Variants in SGCZ observed in about 807,000 individuals in gnomAD.
SGCZ encodes zeta-sarcoglycan.
In SGCZ, 40 loss-of-function variants were observed where a neutral mutation model predicts 41.3. That is an observed-to-expected ratio of 0.97 (90% CI 0.75 to 1.26). The LOEUF (loss-of-function observed/expected upper bound fraction) is 1.26. Ranked by LOEUF, SGCZ falls within the 50% of genes most tolerant of loss-of-function variation. SGCZ has a pLI of 0.00. For synonymous variants in SGCZ, 206 were observed against 137.5 expected (o/e 1.50, Z -3.49); for missense variants, 552 against 369.8 (o/e 1.49, Z -4.04).
At chr8:14,320,226 A>G (rs1257385275) in intron 3 of SGCZ, among the ~76,000 whole-genome samples, 3 of 151,688 alleles carry the variant, frequency 2.0e-5, no homozygotes, top group South Asian at 2.1e-4. Context: ...TGTAAATATA[A>G]TATGATAATG....
Position 14,244,500 on chromosome 8 carries a change from G to C in SGCZ, c.337-6821C>G, listed in dbSNP as rs576899907. ...ATGCTGTTTTGGTTACTGTAGCCTTGTAGTACAGTTTGAAGTCAGGTAGCA... is the reference window on the plus strand; with the variant it reads ...ATGCTGTTTTGGTTACTGTAGCCTTCTAGTACAGTTTGAAGTCAGGTAGCA... On this transcript the variant is annotated intron_variant, in intron 3 of 7. Transcript: ENST00000382080. Among the ~76,000 whole-genome samples, 255 of 152,234 alleles carry C rather than the reference G, an allele frequency of 1.7e-3. 1 individual carries two copies. Among genetic ancestry groups the C allele is most frequent in the African/African-American group, 5.7e-3 (237 of 41,528 alleles).
At chr8:15,226,216 T>C (rs1252363827) in intron 1 of SGCZ, among the ~76,000 whole-genome samples, 2 of 152,190 alleles carry the variant, frequency 1.3e-5, no homozygotes, top group Non-Finnish European at 2.9e-5. Flanking sequence ...GCTGGCTCAC[T>C]GTGTAAGCAT....
At chr8:15,130,149 T>A (rs12056855) in intron 1 of SGCZ, among the ~76,000 whole-genome samples, 3 of 152,052 alleles carry the variant, frequency 2.0e-5, no homozygotes. Flanking sequence ...CTTAAAGGAA[T>A]GTGTTGGCTC....
intron 1 of SGCZ, among the ~76,000 whole-genome samples, chr8:15,024,576 T>C (rs1038369639): frequency 2.6e-5 from 4 of 151,988 alleles, no homozygotes; most frequent in African/African-American, 7.2e-5. Context: ...ATGCTGCAGA[T>C]AAAAGAAAAA....
At chr8:15,182,355 G>A (rs7820870) in intron 1 of SGCZ, among the ~76,000 whole-genome samples, 62,706 of 151,924 alleles carry the variant, frequency 0.41, 14,303 homozygotes, top group East Asian at 0.61. Flanking sequence ...CATCATTACC[G>A]ATTTTTTCAT....
At chr8:15,176,544 T>C (rs990521921) in intron 1 of SGCZ, among the ~76,000 whole-genome samples, 17 of 152,192 alleles carry the variant, frequency 1.1e-4, no homozygotes, top group African/African-American at 3.9e-4. Flanking sequence ...TAAAGAGCCA[T>C]GGAAATTTGA....
At chr8:14,620,408 G>A (rs911346785) in intron 1 of SGCZ, among the ~76,000 whole-genome samples, 1 of 152,124 alleles carries the variant, frequency 6.6e-6, no homozygotes, top group African/African-American at 2.4e-5. Flanking sequence ...AACACCAAAA[G>A]CAATGGCAAC....
chr8:14,408,974 T>TGC (rs1341677014), intron 2 of SGCZ, among the ~76,000 whole-genome samples: 4 of 82,176 alleles, frequency 4.9e-5, no homozygotes, highest in Admixed American at 4.7e-4. Context: ...TGTGTGTGCA[T>TGC]GTGTGCGTGT....
intron 1 of SGCZ, among the ~76,000 whole-genome samples, chr8:14,791,612 T>C (rs1800956187): frequency 6.6e-6 from 1 of 152,156 alleles, no homozygotes; most frequent in Non-Finnish European, 1.5e-5. Context: ...TACATTACAA[T>C]ATAACCAAGC....
intron 1 of SGCZ, among the ~76,000 whole-genome samples, chr8:14,749,291 G>A (rs1799429314): frequency 6.6e-6 from 1 of 152,138 alleles, no homozygotes; most frequent in Non-Finnish European, 1.5e-5. Context: ...GGCCGCCAGA[G>A]TTCCCTGCTC....
At chr8:15,173,722 C>T (rs1401358082) in intron 1 of SGCZ, among the ~76,000 whole-genome samples, 1 of 152,230 alleles carries the variant, frequency 6.6e-6, no homozygotes, top group African/African-American at 2.4e-5. Context: ...TTTTAATTGG[C>T]ATTTTCTCAG....
At chr8:14,916,923 T>C (rs558438184) in intron 1 of SGCZ, among the ~76,000 whole-genome samples, 10 of 152,256 alleles carry the variant, frequency 6.6e-5, no homozygotes, top group East Asian at 5.8e-4. Flanking sequence ...TAGGTTGATA[T>C]TGTTACTCAG....
chr8:14,299,224 G>T (rs1417481982), intron 3 of SGCZ, among the ~76,000 whole-genome samples: 1 of 151,948 alleles, frequency 6.6e-6, no homozygotes, highest in Non-Finnish European at 1.5e-5. Context: ...AAGCTTCTAG[G>T]AGAGAACACG....
chr8:15,237,656 G>A lies in SGCZ; in HGVS notation c.-33C>T, dbSNP rs1273253908. On this transcript the variant is annotated 5_prime_UTR_variant, in exon 1 of 8. Coordinates refer to ENST00000382080, the MANE Select transcript of SGCZ (RefSeq NM_139167.4). Reference sequence around the variant, plus strand: ...AACTAAACGAAGTGGAGAGGAACCGGGCGAGTGGCACCCAAAAACAATCTA... The same window carrying A: ...AACTAAACGAAGTGGAGAGGAACCGAGCGAGTGGCACCCAAAAACAATCTA... The A allele has an allele frequency of 6.4e-7, 1 of 1,570,254 alleles. No individual in the cohort carries two copies. Among genetic ancestry groups the A allele is most frequent in the Admixed American group, 1.8e-5 (1 of 54,494 alleles).
At chr8:14,858,219 A>T (rs1045706822) in intron 1 of SGCZ, among the ~76,000 whole-genome samples, 7 of 151,940 alleles carry the variant, frequency 4.6e-5, no homozygotes, top group African/African-American at 1.7e-4. Flanking sequence ...AAATATATAC[A>T]TATTAATGAG....
intron 1 of SGCZ, among the ~76,000 whole-genome samples, chr8:14,755,678 T>C (rs1041455716): frequency 4.6e-5 from 7 of 152,124 alleles, no homozygotes; most frequent in African/African-American, 1.7e-4. Flanking sequence ...TACACTTCTA[T>C]GGCTGGCCCA....
intron 2 of SGCZ, among the ~76,000 whole-genome samples, chr8:14,463,549 C>T (rs1269468840): frequency 6.6e-6 from 1 of 151,344 alleles, no homozygotes; most frequent in Non-Finnish European, 1.5e-5. Context: ...TTTAAGGAAA[C>T]ATTGGGCAAA....
At chr8:14,269,402 A>T (rs1358723790) in intron 3 of SGCZ, among the ~76,000 whole-genome samples, 1 of 151,920 alleles carries the variant, frequency 6.6e-6, no homozygotes, top group Non-Finnish European at 1.5e-5. Context: ...AAATTTCCAG[A>T]GACAGGATCA....
intron 2 of SGCZ, among the ~76,000 whole-genome samples, chr8:14,454,670 T>G (rs1436829911): frequency 6.6e-6 from 1 of 152,106 alleles, no homozygotes; most frequent in Admixed American, 6.6e-5. Context: ...AAAATTAGCA[T>G]GGTATTGATA....
Sources: gnomAD v4.1 joint callset for allele counts (sites outside exome capture counted in the v4.1 genomes callset) on GRCh38, gnomAD v4.1.1 for gene constraint, MANE v1.5 for transcripts, NCBI Gene and HGNC (gene_info 2026-07-23, HGNC 2026-07-21) for gene names.